Variants in FHIT observed in about 807,000 individuals in gnomAD.
The protein encoded by FHIT is bis(5'-adenosyl)-triphosphatase.
Under a neutral mutation model 17.9 loss-of-function variants are expected in FHIT, and 19 were observed. The observed-to-expected ratio is 1.06, with a 90% CI of 0.74 to 1.56. FHIT has a LOEUF of 1.56. Ranked by LOEUF, FHIT falls within the 40% of genes most tolerant of loss-of-function variation. The pLI is 0.00. For missense variants in FHIT, 248 were observed against 189.2 expected (o/e 1.31, Z -1.82); for synonymous variants, 81 against 69.7 (o/e 1.16, Z -0.81).
Position 59,928,453 on chromosome 3 carries a change from C to T in FHIT, c.280-6039G>A, listed in dbSNP as rs530699070. On this transcript the variant is annotated intron_variant, in intron 7 of 9. Transcript: ENST00000492590. ...GGCCACAAGCAAGAATGTGAAAAGC[C>T]AAGCCAGAGACTGGCAGAAAGGATT... Among the ~76,000 whole-genome samples, 4 of 152,192 alleles carry T rather than the reference C, an allele frequency of 2.6e-5. No homozygotes were observed. In the South Asian group the frequency reaches 6.2e-4, roughly 24 times the overall value.
intron 8 of FHIT, among the ~76,000 whole-genome samples, chr3:59,888,267 A>C (rs1318947241): frequency 1.3e-5 from 2 of 152,196 alleles, no homozygotes; most frequent in Non-Finnish European, 2.9e-5. Flanking sequence ...TGTGATCTAT[A>C]ATTTTAAAAG....
chr3:60,313,921 G>A (rs1369094532), intron 5 of FHIT, among the ~76,000 whole-genome samples: 2 of 152,172 alleles, frequency 1.3e-5, no homozygotes, highest in African/African-American at 4.8e-5. Context: ...AATGAGGCCA[G>A]GCAAGGGTGC....
At chr3:59,841,090 A>C (rs547825964) in intron 8 of FHIT, among the ~76,000 whole-genome samples, 2 of 152,314 alleles carry the variant, frequency 1.3e-5, no homozygotes, top group South Asian at 4.1e-4. Flanking sequence ...CTGAAGGTCA[A>C]GTTGGCTTGC....
chr3:59,794,776 A>G (rs1389249231), intron 8 of FHIT, among the ~76,000 whole-genome samples: 1 of 152,246 alleles, frequency 6.6e-6, no homozygotes, highest in Non-Finnish European at 1.5e-5. Flanking sequence ...TCTACAGCTG[A>G]AGAAACTGAG....
chr3:60,546,557 G>A (rs2036372578), intron 4 of FHIT, among the ~76,000 whole-genome samples: 1 of 152,106 alleles, frequency 6.6e-6, no homozygotes, highest in Admixed American at 6.5e-5. Flanking sequence ...TCTACTGATT[G>A]TATTTTCATT....
chr3:59,773,152 C>T (rs900623027), intron 8 of FHIT, among the ~76,000 whole-genome samples: 6 of 152,216 alleles, frequency 3.9e-5, no homozygotes, highest in African/African-American at 1.2e-4. Flanking sequence ...TGTAAGGCCC[C>T]TGTCTTCATT....
At chr3:61,124,895 C>T (rs1469125895) in intron 2 of FHIT, among the ~76,000 whole-genome samples, 1 of 152,158 alleles carries the variant, frequency 6.6e-6, no homozygotes, top group Non-Finnish European at 1.5e-5. Context: ...CAGCTCCCAA[C>T]ATGTCCCCAA....
intron 3 of FHIT, among the ~76,000 whole-genome samples, chr3:60,859,765 C>G (rs572578775): frequency 4.6e-5 from 3 of 64,816 alleles, no homozygotes; most frequent in Non-Finnish European, 8.2e-5. Context: ...TTTTTTTTGC[C>G]GAGCACGGTG....
chr3:61,005,934 A>G, intron 3 of FHIT, among the ~76,000 whole-genome samples: 1 of 150,842 alleles, frequency 6.6e-6, no homozygotes, highest in Non-Finnish European at 1.5e-5. Flanking sequence ...CTGTGTCCTC[A>G]CCCACTCCAC....
intron 3 of FHIT, among the ~76,000 whole-genome samples, chr3:60,897,870 C>T (rs1274607413): frequency 1.3e-5 from 2 of 152,156 alleles, no homozygotes; most frequent in Non-Finnish European, 1.5e-5. Flanking sequence ...TAGTACAAAT[C>T]TGTTTTATAA....
intron 4 of FHIT, among the ~76,000 whole-genome samples, chr3:60,555,915 T>A (rs929545630): frequency 6.6e-6 from 1 of 152,236 alleles, no homozygotes; most frequent in Non-Finnish European, 1.5e-5. Context: ...TATTATCCAT[T>A]CACTTTGGTC....
intron 4 of FHIT, among the ~76,000 whole-genome samples, chr3:60,663,160 A>ATATATATATATATATATATC (rs1553691630): frequency 7.5e-6 from 1 of 132,516 alleles, no homozygotes; most frequent in Admixed American, 7.5e-5. Context: ...GGAGATATAT[A>ATATATATATATATATATATC]TCTCTTTAAT....
At chr3:60,718,311 G>A (rs1453697700) in intron 4 of FHIT, among the ~76,000 whole-genome samples, 5 of 152,258 alleles carry the variant, frequency 3.3e-5, no homozygotes, top group South Asian at 4.1e-4. Flanking sequence ...GTCATGTCTC[G>A]TAATGATCCT....
intron 5 of FHIT, among the ~76,000 whole-genome samples, chr3:60,245,272 G>A (rs1401256426): frequency 2.0e-5 from 3 of 151,898 alleles, no homozygotes; most frequent in Admixed American, 1.3e-4. Context: ...TTTGCATTTC[G>A]ATGTAGCAAA....
At chr3:60,111,167 C>T (rs547671387) in intron 5 of FHIT, among the ~76,000 whole-genome samples, 16 of 152,170 alleles carry the variant, frequency 1.1e-4, no homozygotes, top group African/African-American at 3.9e-4. Context: ...AAGAATGTCA[C>T]CGCATATTGA....
intron 1 of FHIT, among the ~76,000 whole-genome samples, chr3:61,221,242 G>C (rs1024275273): frequency 3.9e-5 from 6 of 152,184 alleles, no homozygotes; most frequent in African/African-American, 2.4e-5. Flanking sequence ...ATTTGCACAG[G>C]GATGCCCTAA....
chr3:59,930,549 T>C (rs191022645), intron 7 of FHIT, among the ~76,000 whole-genome samples: 2 of 152,182 alleles, frequency 1.3e-5, no homozygotes, highest in African/African-American at 4.8e-5. Context: ...GAAGTAAGAA[T>C]GGGGCACCAG....
At chr3:60,987,904 A>G (rs2029867016) in intron 3 of FHIT, among the ~76,000 whole-genome samples, 1 of 152,190 alleles carries the variant, frequency 6.6e-6, no homozygotes, top group Non-Finnish European at 1.5e-5. Flanking sequence ...GTGATTTACT[A>G]TATCTGATTG....
chr3:60,453,650 G>A (rs1456896035), intron 5 of FHIT, among the ~76,000 whole-genome samples: 22 of 152,138 alleles, frequency 1.4e-4, no homozygotes, highest in Admixed American at 1.4e-3. Flanking sequence ...TCAGCTCTAA[G>A]TTAATCTCTT....
Sources: gnomAD v4.1 joint callset for allele counts (sites outside exome capture counted in the v4.1 genomes callset) on GRCh38, gnomAD v4.1.1 for gene constraint, MANE v1.5 for transcripts, NCBI Gene and HGNC (gene_info 2026-07-23, HGNC 2026-07-21) for gene names.